SCNN1B: variants seen among roughly 807,000 people sequenced by gnomAD.
SCNN1B encodes the protein epithelial sodium channel subunit beta.
A neutral mutation model predicts 65.3 loss-of-function variants in SCNN1B; 46 were observed. The ratio of observed to expected loss-of-function variants is 0.70; its 90% confidence interval spans 0.56 to 0.90. The LOEUF (loss-of-function observed/expected upper bound fraction) is 0.90. Ranked by LOEUF, SCNN1B falls within the 40% of genes least tolerant of loss-of-function variation. The probability of loss-of-function intolerance (pLI) is 0.00; values close to 1 mark genes in which losing one functional copy is unlikely to be tolerated. For synonymous variants in SCNN1B, 349 were observed against 330.6 expected (o/e 1.06, Z -0.60); for missense variants, 751 against 830.5 (o/e 0.90, Z 1.18).
At chr16:23,319,934 AT>A (rs975431848) in intron 1 of SCNN1B, among the ~76,000 whole-genome samples, 1 of 151,888 alleles carries the variant, frequency 6.6e-6, no homozygotes, top group African/African-American at 2.4e-5. Flanking sequence ...CGTCCGACTA[AT>A]TTTTGTATTT....
At chr16:23,360,568 C>T (rs1219834729) in intron 4 of SCNN1B, among the ~76,000 whole-genome samples, 1 of 140,762 alleles carries the variant, frequency 7.1e-6, no homozygotes, top group Non-Finnish European at 1.5e-5. Flanking sequence ...GAGAGAGAGA[C>T]TTTGTTGTTG....
chr16:23,315,625 T>C (rs1240689532), intron 1 of SCNN1B, among the ~76,000 whole-genome samples: 1 of 152,168 alleles, frequency 6.6e-6, no homozygotes, highest in Non-Finnish European at 1.5e-5. Flanking sequence ...CTGGGCAACA[T>C]AGTGAGACTC....
At chr16:23,376,320 ATTTGTGCACTCTGGCT>A (rs1260333494) in intron 8 of SCNN1B, among the ~76,000 whole-genome samples, 1 of 151,354 alleles carries the variant, frequency 6.6e-6, no homozygotes, top group Non-Finnish European at 1.5e-5. Context: ...CAGGGTCTGC[ATTTGTGCACTCTGGCT>A]TTTGTGCACG....
At chr16:23,374,248 AGAGT>A in intron 7 of SCNN1B, among the ~76,000 whole-genome samples, 1 of 138,136 alleles carries the variant, frequency 7.2e-6, no homozygotes, top group East Asian at 2.3e-4. Flanking sequence ...CCTGGGCAAC[AGAGT>A]GAGACCCTGT....
At chr16:23,292,352 C>T (rs1047889099) in intron 2 of SCNN1B, among the ~76,000 whole-genome samples, 4 of 151,972 alleles carry the variant, frequency 2.6e-5, no homozygotes. Flanking sequence ...CGCCACCACA[C>T]CCAGCTAATT....
intron 1 of SCNN1B, among the ~76,000 whole-genome samples, chr16:23,327,491 G>A (rs780188133): frequency 1.1e-4 from 16 of 152,036 alleles, no homozygotes; most frequent in Non-Finnish European, 2.1e-4. Flanking sequence ...CCAAGATTGC[G>A]CCATTGCACT....
chr16:23,365,569 AAGAAAGAAAGAAAGAAAG>A (rs1181595781), intron 4 of SCNN1B, among the ~76,000 whole-genome samples: 1 of 85,126 alleles, frequency 1.2e-5, no homozygotes, highest in Non-Finnish European at 2.0e-5. Context: ...GAAAGAAAGA[AAGAAAGAAAGAAAGAAAG>A]AGAAAGAAAG....
At chr16:23,319,428 C>T (rs1470887757) in intron 1 of SCNN1B, among the ~76,000 whole-genome samples, 1 of 152,080 alleles carries the variant, frequency 6.6e-6, no homozygotes, top group African/African-American at 2.4e-5. Context: ...GTTTGATCCA[C>T]CAGCTGTTTT....
At position 23,349,430 on chromosome 16, in the gene SCNN1B, T is replaced by C. The variant is rs574113464; in HGVS notation, c.311+520T>C. On this transcript the variant is annotated intron_variant, in intron 2 of 12. Transcript: ENST00000343070. ...TGAGCCCAGGAGCTCGAGGCTGCAGTGGGCTGAGATGGCGCCACTTGAGTT... is the reference window on the plus strand; with the variant it reads ...TGAGCCCAGGAGCTCGAGGCTGCAGCGGGCTGAGATGGCGCCACTTGAGTT... Among the ~76,000 whole-genome samples, 7 of 152,190 alleles carry C rather than the reference T, an allele frequency of 4.6e-5. No individual in the cohort carries two copies. In the South Asian group the frequency reaches 1.5e-3, roughly 32 times the overall value.
intron 11 of SCNN1B, among the ~76,000 whole-genome samples, chr16:23,379,151 ATTC>A (rs1426558486): frequency 1.2e-4 from 15 of 123,964 alleles, no homozygotes; most frequent in African/African-American, 5.1e-4. Flanking sequence ...TTCATCCTCC[ATTC>A]TCCCACCCAC....
rs1962339873 is a variant in SCNN1B, at chr16:23,352,907, C to T, written c.418C>T (p.Leu140=). ...AAGCCATGCCAATGCCACCAGGAAC[C>T]TGAACTTCTCCATCTGGAACCACAC... ...ELSHANATRN[L]NFSIWNHTPL... is the part of the protein sequence containing the mutation. Residue 140 remains leucine (L), a synonymous_variant, in exon 3 of 13, where the codon CTG becomes TTG. Coordinates refer to ENST00000343070, the MANE Select transcript of SCNN1B (RefSeq NM_000336.3). 6.2e-7 allele frequency: 1 copy of T among 1,614,174 alleles called. No individual in the cohort carries two copies. Among genetic ancestry groups the T allele is most frequent in the Non-Finnish European group, 8.5e-7 (1 of 1,180,024 alleles).
Position 23,369,192 on chromosome 16 carries a change from CA to C in SCNN1B, c.880+1235del, listed in dbSNP as rs200727008. Among the ~76,000 whole-genome samples, 1,325 of 152,270 alleles carry C rather than the reference CA, an allele frequency of 8.7e-3. 19 individuals carry two copies. Among genetic ancestry groups the C allele is most frequent in the African/African-American group, 0.03 (1,265 of 41,540 alleles). ...GCACGGTCATGGCTCACTGCAGCCT[CA>C]ACCTCCTGGGCTCAGGTGATCCTCC... On this transcript the variant is annotated intron_variant, in intron 5 of 12. Coordinates refer to ENST00000343070, the MANE Select transcript of SCNN1B (RefSeq NM_000336.3).
intron 1 of SCNN1B, among the ~76,000 whole-genome samples, chr16:23,304,629 C>T (rs149155901): frequency 5.3e-4 from 80 of 152,286 alleles, no homozygotes; most frequent in African/African-American, 1.8e-3. Context: ...TTGGACTGTC[C>T]AGGGTCCTGT....
Position 23,367,970 on chromosome 16 carries a change from G to T in SCNN1B, c.880+11G>T, listed in dbSNP as rs1962706353. 6.3e-7 allele frequency: 1 copy of T among 1,596,062 alleles called. No individual in the cohort carries two copies. The highest frequency in any genetic ancestry group is 8.6e-7 in the Non-Finnish European group (1 of 1,163,698). ...CTGGAACTGAATTCGGTGAGTTTTG[G>T]TTTATCGTGGGGCCAGAGCCATGAG... On this transcript the variant is annotated intron_variant, in intron 5 of 12. Transcript: ENST00000343070.
At chr16:23,361,526 CATTT>C (rs1396984926) in intron 4 of SCNN1B, among the ~76,000 whole-genome samples, 1 of 152,158 alleles carries the variant, frequency 6.6e-6, no homozygotes, top group African/African-American at 2.4e-5. Context: ...TCATCTCCTC[CATTT>C]ATTTATTTAT....
chr16:23,370,704 G>A (rs1962764231), intron 5 of SCNN1B, among the ~76,000 whole-genome samples: 1 of 152,260 alleles, frequency 6.6e-6, no homozygotes, highest in Admixed American at 6.5e-5. Context: ...TCTGGAGGAA[G>A]TGATGCTGGT....
intron 7 of SCNN1B, among the ~76,000 whole-genome samples, chr16:23,374,275 A>G (rs1293612595): frequency 4.4e-5 from 6 of 134,978 alleles, no homozygotes; most frequent in Non-Finnish European, 9.9e-5. Context: ...CAGGAAAAAA[A>G]AAAAAAAAAA....
At chr16:23,292,459 A>C (rs1405339293) in intron 2 of SCNN1B, among the ~76,000 whole-genome samples, 2 of 151,954 alleles carry the variant, frequency 1.3e-5, no homozygotes, top group African/African-American at 4.8e-5. Flanking sequence ...GGCCTCCCGA[A>C]GTGCTGGGAT....
At chr16:23,331,661 C>T (rs1268597459) in intron 1 of SCNN1B, among the ~76,000 whole-genome samples, 4 of 152,160 alleles carry the variant, frequency 2.6e-5, no homozygotes, top group Admixed American at 6.5e-5. Flanking sequence ...ACTCATGATA[C>T]ATGATTCAAC....
Sources: allele counts gnomAD v4.1 joint callset (sites outside exome capture counted in the v4.1 genomes callset), GRCh38; gene constraint gnomAD v4.1.1; transcripts MANE v1.5; gene names NCBI Gene and HGNC (gene_info 2026-07-23, HGNC 2026-07-21).